The following PTPRR variants were observed in gnomAD, a reference collection of about 807,000 sequenced individuals.
The protein encoded by PTPRR is protein tyrosine phosphatase receptor type R.
Under a neutral mutation model 77.2 loss-of-function variants are expected in PTPRR, and 38 were observed. The observed-to-expected ratio is 0.49, with a 90% CI of 0.38 to 0.65. The LOEUF (loss-of-function observed/expected upper bound fraction) is 0.65, where lower values mean the gene tolerates loss of function less well. Among genes scored for constraint, PTPRR ranks in the 30% least tolerant of loss-of-function variants. PTPRR has a pLI of 0.00. For synonymous variants in PTPRR, 299 were observed against 283.1 expected (o/e 1.06, Z -0.57); for missense variants, 744 against 799.2 (o/e 0.93, Z 0.83).
chr12:70,650,102 T>C (rs912269514), intron 13 of PTPRR, among the ~76,000 whole-genome samples: 2 of 152,220 alleles, frequency 1.3e-5, no homozygotes, highest in East Asian at 1.9e-4. Flanking sequence ...GATTTTTTAA[T>C]GCATTAATGC....
At chr12:70,888,010 A>ATGTGTATATGTGTG (rs1893270224) in intron 2 of PTPRR, among the ~76,000 whole-genome samples, 1 of 49,982 alleles carries the variant, frequency 2.0e-5, no homozygotes, top group Non-Finnish European at 3.7e-5. Context: ...GCAGTCGTGA[A>ATGTGTATATGTGTG]TGTGTGTATG....
In PTPRR at chr12:70,744,162, C is replaced by A. The variant is rs541118728; in HGVS notation, c.1007+1656G>T. 1.4e-4 allele frequency among the ~76,000 whole-genome samples: 22 copies of A among 152,142 alleles called. No homozygotes were observed. The East Asian group carries it at 4.3e-3, about 29-fold the overall frequency. On this transcript the variant is annotated intron_variant, in intron 6 of 13. Transcript: ENST00000283228. ...AAGAACCAGAAAGAAGCTAAAAAAT[C>A]AAGTTAAACCTCTTTATCTTTTAGA... is the stretch of plus-strand genomic sequence containing the variant.
intron 2 of PTPRR, among the ~76,000 whole-genome samples, chr12:70,794,543 C>T (rs529257064): frequency 7.2e-5 from 11 of 152,308 alleles, no homozygotes; most frequent in African/African-American, 2.2e-4. Flanking sequence ...CAAAACCAAA[C>T]GAAGCCTTTA....
At chr12:70,852,112 C>G (rs954209980) in intron 2 of PTPRR, among the ~76,000 whole-genome samples, 1 of 151,956 alleles carries the variant, frequency 6.6e-6, no homozygotes, top group East Asian at 1.9e-4. Context: ...GGGAAGGGAG[C>G]TGAAGGGTGT....
chr12:70,736,718 C>T (rs1044891940), intron 6 of PTPRR, among the ~76,000 whole-genome samples: 24 of 152,236 alleles, frequency 1.6e-4, no homozygotes, highest in African/African-American at 5.3e-4. Context: ...TTTACTTCTA[C>T]GTGTTTGCTA....
At chr12:70,882,722 C>G (rs191033840) in intron 2 of PTPRR, among the ~76,000 whole-genome samples, 192 of 152,184 alleles carry the variant, frequency 1.3e-3, no homozygotes, top group Non-Finnish European at 2.2e-3. Context: ...CAACACTGAT[C>G]CAAAGAGGCT....
intron 6 of PTPRR, among the ~76,000 whole-genome samples, chr12:70,729,681 T>A (rs1234649347): frequency 6.6e-6 from 1 of 152,190 alleles, no homozygotes; most frequent in East Asian, 1.9e-4. Flanking sequence ...AATTAAGCAT[T>A]TATTAAGGTC....
chr12:70,893,174 G>T (rs1441309015), intron 1 of PTPRR, among the ~76,000 whole-genome samples, 197 bp from the exon 2 acceptor site: 1 of 150,506 alleles, frequency 6.6e-6, no homozygotes, highest in Non-Finnish European at 1.5e-5. Flanking sequence ...GCCTCTCAAA[G>T]ACTTTAGGTG....
chr12:70,669,140 T>C (rs1027906442), intron 10 of PTPRR, among the ~76,000 whole-genome samples: 3 of 152,206 alleles, frequency 2.0e-5, no homozygotes, highest in Non-Finnish European at 4.4e-5. Context: ...ATACCCTCTT[T>C]TATTGTCTTT....
chr12:70,648,543 A>G (rs1175020819), intron 13 of PTPRR, among the ~76,000 whole-genome samples: 1 of 152,190 alleles, frequency 6.6e-6, no homozygotes, highest in Non-Finnish European at 1.5e-5. Flanking sequence ...TGATAGTAAG[A>G]TATTTCTGGT....
intron 13 of PTPRR, among the ~76,000 whole-genome samples, chr12:70,655,979 A>G (rs908239631): frequency 6.5e-4 from 99 of 152,190 alleles, no homozygotes; most frequent in African/African-American, 2.0e-3. Flanking sequence ...TGGGAGGCCA[A>G]GAAAGGAGGA....
chr12:70,737,083 C>G (rs1298448279), intron 6 of PTPRR, among the ~76,000 whole-genome samples: 2 of 152,152 alleles, frequency 1.3e-5, no homozygotes, highest in Non-Finnish European at 2.9e-5. Context: ...GTTGCTGAGC[C>G]AGAGGTGCCT....
intron 2 of PTPRR, among the ~76,000 whole-genome samples, chr12:70,802,972 G>A (rs888761892): frequency 1.3e-5 from 2 of 151,944 alleles, no homozygotes; most frequent in Non-Finnish European, 2.9e-5. Context: ...TGAGTATTTG[G>A]GCAAAATATT....
intron 2 of PTPRR, among the ~76,000 whole-genome samples, chr12:70,851,021 T>C (rs2137069253): frequency 6.6e-6 from 1 of 152,342 alleles, no homozygotes; most frequent in Non-Finnish European, 1.5e-5. Context: ...TGGGTATTCA[T>C]TATATTTAGG....
At chr12:70,866,901 A>C (rs1165110554) in intron 2 of PTPRR, among the ~76,000 whole-genome samples, 1 of 151,968 alleles carries the variant, frequency 6.6e-6, no homozygotes, top group Non-Finnish European at 1.5e-5. Context: ...TAGATGTAAT[A>C]CAGCATATAA....
intron 1 of PTPRR, among the ~76,000 whole-genome samples, chr12:70,914,782 C>G (rs1592831348): frequency 6.6e-6 from 1 of 152,068 alleles, no homozygotes; most frequent in Non-Finnish European, 1.5e-5. Context: ...ATGATTGCAC[C>G]ACTGCACTCA....
Position 70,712,920 on chromosome 12 carries a change from A to C in PTPRR, c.1008-11597T>G, listed in dbSNP as rs117297014. The stretch of plus-strand genomic sequence containing the variant: ...ATGTACAATAAAATTCACATTTCCA[A>C]AGTGTAAAATTCAATGGTTTTTATT... On this transcript the variant is annotated intron_variant, in intron 6 of 13. Coordinates refer to ENST00000283228, the MANE Select transcript of PTPRR (RefSeq NM_002849.4). Among the ~76,000 whole-genome samples the C allele has an allele frequency of 6.9e-3, 1,044 of 152,246 alleles. 10 individuals are homozygous for C. Among genetic ancestry groups the C allele is most frequent in the Non-Finnish European group, 0.011 (781 of 68,006 alleles).
At chr12:70,767,485 C>G (rs1195278578) in intron 2 of PTPRR, among the ~76,000 whole-genome samples, 1 of 151,752 alleles carries the variant, frequency 6.6e-6, no homozygotes, top group Admixed American at 6.6e-5. Flanking sequence ...TATATATGCA[C>G]CCAATACAGG....
At chr12:70,678,806 C>A (rs1481116916) in intron 10 of PTPRR, among the ~76,000 whole-genome samples, 3 of 152,010 alleles carry the variant, frequency 2.0e-5, no homozygotes, top group Admixed American at 2.0e-4. Context: ...CTCAGCCTCC[C>A]GAGTACCTGA....
Sources: gnomAD v4.1 joint callset for allele counts (sites outside exome capture counted in the v4.1 genomes callset) on GRCh38, gnomAD v4.1.1 for gene constraint, MANE v1.5 for transcripts, NCBI Gene and HGNC (gene_info 2026-07-23, HGNC 2026-07-21) for gene names.